Variants in NR3C2 observed in about 807,000 individuals in gnomAD.
NR3C2 encodes mineralocorticoid receptor.
Under a neutral mutation model 86.4 loss-of-function variants are expected in NR3C2, and 15 were observed. That is an observed-to-expected ratio of 0.17 (90% confidence interval 0.12 to 0.27). The LOEUF is 0.27. NR3C2 is among the 10% of genes least tolerant of loss of function. The pLI is 1.00. For synonymous variants in NR3C2, 458 were observed against 450.5 expected, an observed-to-expected ratio of 1.02 and a Z score of -0.21; for missense variants, 960 against 1,195.6, an observed-to-expected ratio of 0.80 and a Z score of 2.91.
At chr4:148,291,721 T>G (rs1741803600) in intron 2 of NR3C2, among the ~76,000 whole-genome samples, 1 of 152,114 alleles carries the variant, frequency 6.6e-6, no homozygotes, top group African/African-American at 2.4e-5. Flanking sequence ...ATTCTCAACT[T>G]TACTCTCTTT....
chr4:148,241,850 T>C (rs1253505496), intron 3 of NR3C2, among the ~76,000 whole-genome samples: 1 of 152,230 alleles, frequency 6.6e-6, no homozygotes, highest in Non-Finnish European at 1.5e-5. Context: ...AGTTTCATCA[T>C]TAACTACTAC....
chr4:148,369,699 T>C (rs1462346224), intron 2 of NR3C2, among the ~76,000 whole-genome samples: 3 of 152,212 alleles, frequency 2.0e-5, no homozygotes, highest in Non-Finnish European at 4.4e-5. Flanking sequence ...TCTGATTTCA[T>C]TAAATCAACC....
intron 3 of NR3C2, among the ~76,000 whole-genome samples, chr4:148,255,209 G>A (rs1739774000): frequency 6.6e-6 from 1 of 152,048 alleles, no homozygotes. Flanking sequence ...CTCTGGAACT[G>A]TTCAGTTTAC....
At chr4:148,383,503 C>A (rs1265395047) in intron 2 of NR3C2, among the ~76,000 whole-genome samples, 1 of 152,098 alleles carries the variant, frequency 6.6e-6, no homozygotes, top group East Asian at 1.9e-4. Context: ...ACCTTTGCTG[C>A]AATTTTATGA....
chr4:148,367,945 C>T (rs1388740091), intron 2 of NR3C2, among the ~76,000 whole-genome samples: 1 of 151,870 alleles, frequency 6.6e-6, no homozygotes, highest in African/African-American at 2.4e-5. Flanking sequence ...GGCACCAGAG[C>T]AACCGTCTTT....
chr4:148,145,763 C>T (rs1037891789), intron 6 of NR3C2, among the ~76,000 whole-genome samples: 7 of 152,106 alleles, frequency 4.6e-5, no homozygotes, highest in South Asian at 2.1e-4. Context: ...TAGAGTCCAA[C>T]GGAAAAATAA....
At chr4:148,393,658 A>G (rs990733677) in intron 2 of NR3C2, among the ~76,000 whole-genome samples, 10 of 152,186 alleles carry the variant, frequency 6.6e-5, no homozygotes, top group African/African-American at 2.4e-4. Flanking sequence ...TTTTGTTAAT[A>G]AGAAGACAGA....
At chr4:148,351,883 C>T (rs1417550238) in intron 2 of NR3C2, among the ~76,000 whole-genome samples, 2 of 151,876 alleles carry the variant, frequency 1.3e-5, no homozygotes, top group Non-Finnish European at 2.9e-5. Context: ...AAAATGCAGT[C>T]CCCCCATTCT....
chr4:148,394,346 T>C (rs76243470), intron 2 of NR3C2, among the ~76,000 whole-genome samples: 2,660 of 150,988 alleles, frequency 0.018, 80 homozygotes, highest in African/African-American at 0.061. Context: ...AATATAGAAA[T>C]TGGTACCAGA....
intron 6 of NR3C2, among the ~76,000 whole-genome samples, chr4:148,141,892 G>A (rs565174509): frequency 6.6e-6 from 1 of 152,280 alleles, no homozygotes; most frequent in Admixed American, 6.5e-5. Flanking sequence ...TGCCAGGTCT[G>A]TGGAAAATTG....
At chr4:148,152,331 C>T in intron 6 of NR3C2, 138 bp downstream of exon 6, 1 of 869,432 alleles carries the variant, frequency 1.2e-6, no homozygotes, top group Non-Finnish European at 1.8e-6. Context: ...TCCCAGAGAT[C>T]TGTAAATTTT....
rs1740197154 is a variant in NR3C2 at position 148,262,924 on chromosome 4, C to T, written c.1758-2807G>A. 2.6e-5 allele frequency among the ~76,000 whole-genome samples: 4 copies of T among 152,080 alleles called. No homozygotes were observed. The South Asian group carries it at 8.3e-4, about 32-fold the overall frequency. ...ACATATTCAGATTCTGATCAATCTCCAAACACTCCTCCAGCACCATCTACT... is the reference window on the plus strand; with the variant it reads ...ACATATTCAGATTCTGATCAATCTCTAAACACTCCTCCAGCACCATCTACT... On this transcript the variant is annotated intron_variant, in intron 2 of 8. Coordinates refer to ENST00000358102, the MANE Select transcript of NR3C2 (RefSeq NM_000901.5).
At chr4:148,083,323 G>T (rs1278126414) in intron 8 of NR3C2, among the ~76,000 whole-genome samples, 4 of 152,172 alleles carry the variant, frequency 2.6e-5, no homozygotes, top group African/African-American at 7.2e-5. Flanking sequence ...CATCTGGCGG[G>T]TGCCCCATTG....
At chr4:148,220,261 A>AT (rs1287894624) in intron 3 of NR3C2, among the ~76,000 whole-genome samples, 1 of 152,044 alleles carries the variant, frequency 6.6e-6, no homozygotes, top group South Asian at 2.1e-4. Context: ...TAATGTTTTA[A>AT]TTTTTTTGTA....
At chr4:148,267,442 C>T (rs1006801377) in intron 2 of NR3C2, among the ~76,000 whole-genome samples, 2 of 152,028 alleles carry the variant, frequency 1.3e-5, no homozygotes, top group African/African-American at 4.8e-5. Context: ...TTAATGGTGG[C>T]TGCCATAATA....
intron 2 of NR3C2, among the ~76,000 whole-genome samples, chr4:148,400,576 C>T (rs1169271275): frequency 1.3e-5 from 2 of 151,894 alleles, no homozygotes; most frequent in Non-Finnish European, 2.9e-5. Context: ...GTCAGGAGTT[C>T]GAGACCAGCC....
At chr4:148,240,985 T>C (rs1391137339) in intron 3 of NR3C2, among the ~76,000 whole-genome samples, 1 of 152,054 alleles carries the variant, frequency 6.6e-6, no homozygotes, top group Non-Finnish European at 1.5e-5. Context: ...AATCATTCCA[T>C]GGCTTGCTTC....
chr4:148,241,776 A>C (rs1372612265), intron 3 of NR3C2, among the ~76,000 whole-genome samples: 1 of 152,182 alleles, frequency 6.6e-6, no homozygotes, highest in Non-Finnish European at 1.5e-5. Context: ...AGCATCTGAC[A>C]CCCAGGAGAT....
At chr4:148,195,006 T>C (rs1736375362) in intron 3 of NR3C2, 144 bp from the exon 4 acceptor site, 1 of 666,010 alleles carries the variant, frequency 1.5e-6, no homozygotes, top group Non-Finnish European at 2.6e-6. Context: ...TTGTGGATAA[T>C]ATAGAGGAGG....
Sources: gnomAD v4.1 joint callset for allele counts (sites outside exome capture counted in the v4.1 genomes callset) on GRCh38, gnomAD v4.1.1 for gene constraint, MANE v1.5 for transcripts, NCBI Gene and HGNC (gene_info 2026-07-23, HGNC 2026-07-21) for gene names.